Variants in DMRT1 observed in about 807,000 individuals in gnomAD.
The protein encoded by DMRT1 is doublesex- and mab-3-related transcription factor 1.
Under a neutral mutation model 32.3 loss-of-function variants are expected in DMRT1, and 7 were observed. That is an observed-to-expected ratio of 0.22 (90% confidence interval 0.12 to 0.41). The LOEUF (loss-of-function observed/expected upper bound fraction) is 0.41. DMRT1 is among the 10% of genes least tolerant of loss of function. The probability of loss-of-function intolerance (pLI) is 1.00; values close to 1 mark genes in which losing one functional copy is unlikely to be tolerated. For synonymous variants in DMRT1, 278 were observed against 206.1 expected (o/e 1.35, Z -2.99); for missense variants, 625 against 500.5 (o/e 1.25, Z -2.37).
chr9:853,324 G>C (rs1294932350), intron 2 of DMRT1, among the ~76,000 whole-genome samples: 2 of 152,062 alleles, frequency 1.3e-5, no homozygotes, highest in East Asian at 1.9e-4. Context: ...TTGGACAAAT[G>C]TGTAATAGCT....
chr9:959,652 C>T (rs1451117174), intron 4 of DMRT1, among the ~76,000 whole-genome samples: 1 of 152,108 alleles, frequency 6.6e-6, no homozygotes, highest in African/African-American at 2.4e-5. Context: ...CTCAGCCTCC[C>T]GAGTAGCTGG....
intron 4 of DMRT1, among the ~76,000 whole-genome samples, chr9:925,544 A>G (rs1017763612): frequency 4.6e-5 from 7 of 152,172 alleles, no homozygotes; most frequent in South Asian, 2.1e-4. Flanking sequence ...ACTTCCTCTA[A>G]GCCTTGTTGC....
intron 2 of DMRT1, among the ~76,000 whole-genome samples, chr9:868,542 A>G (rs778057846): frequency 1.6e-4 from 24 of 152,152 alleles, no homozygotes; most frequent in African/African-American, 5.3e-4. Context: ...AGTTCCAGCT[A>G]TGTTTCTTTG....
intron 2 of DMRT1, among the ~76,000 whole-genome samples, chr9:857,904 G>C (rs1815472315): frequency 6.6e-6 from 1 of 150,836 alleles, no homozygotes; most frequent in Non-Finnish European, 1.5e-5. Flanking sequence ...GCGATAGTTT[G>C]CTGAGAATGA....
intron 3 of DMRT1, chr9:894,431 G>A (rs1163645758): frequency 6.9e-6 from 4 of 580,042 alleles, no homozygotes; most frequent in South Asian, 6.1e-5. Flanking sequence ...AGCCTCAAAG[G>A]TTGGCTGCAA....
intron 4 of DMRT1, 68 bp from the exon 5 acceptor site, chr9:967,917 A>C (rs1233763788): frequency 6.8e-7 from 1 of 1,466,606 alleles, no homozygotes; most frequent in East Asian, 2.3e-5. Flanking sequence ...TGAATGTATA[A>C]AGACCAGCCA....
chr9:922,584 C>T (rs137890698), intron 4 of DMRT1, among the ~76,000 whole-genome samples: 43 of 152,130 alleles, frequency 2.8e-4, no homozygotes, highest in Non-Finnish European at 7.4e-5. Context: ...CGTGGTTGGT[C>T]GACACCTGCA....
Position 968,415 on chromosome 9 carries a change from A to G in DMRT1, c.*276A>G. On this transcript the variant is annotated 3_prime_UTR_variant, in exon 5 of 5. Transcript: ENST00000382276. ...TGGTTTCATGTAGTTTTCAAGAAAT[A>G]AAAGAATTCATTCAAGTGAAGCCAT... 1 of 387,616 alleles carries G rather than the reference A, an allele frequency of 2.6e-6. No individual in the cohort carries two copies. The highest frequency in any genetic ancestry group is 4.7e-6 in the Non-Finnish European group (1 of 211,016). The allele number at this position is 387,616 out of a possible 1,614,324, so 24.0% of individuals were successfully genotyped here.
chr9:930,121 C>G (rs557989879), intron 4 of DMRT1, among the ~76,000 whole-genome samples: 1 of 152,278 alleles, frequency 6.6e-6, no homozygotes, highest in South Asian at 2.1e-4. Context: ...CAGTCAAATT[C>G]TTGATAAATG....
chr9:941,816 T>G (rs1445538092), intron 4 of DMRT1, among the ~76,000 whole-genome samples: 3 of 152,262 alleles, frequency 2.0e-5, no homozygotes, highest in Non-Finnish European at 4.4e-5. Context: ...TCTCTTTATT[T>G]ATGTAGTAAG....
At chr9:899,713 G>A (rs1475467558) in intron 3 of DMRT1, among the ~76,000 whole-genome samples, 3 of 152,174 alleles carry the variant, frequency 2.0e-5, no homozygotes, top group Admixed American at 6.5e-5. Context: ...CTCCTCCACC[G>A]CAACATTATC....
At chr9:901,797 C>T (rs1817586911) in intron 3 of DMRT1, among the ~76,000 whole-genome samples, 1 of 151,906 alleles carries the variant, frequency 6.6e-6, no homozygotes, top group South Asian at 2.1e-4. Context: ...GCCCTGGGCC[C>T]TCTCACCCTT....
At chr9:897,683 T>A (rs964742819) in intron 3 of DMRT1, among the ~76,000 whole-genome samples, 1 of 152,194 alleles carries the variant, frequency 6.6e-6, no homozygotes, top group African/African-American at 2.4e-5. Context: ...AAGAATGTTT[T>A]AAAATCATGT....
chr9:883,057 C>T (rs764737977), intron 2 of DMRT1, among the ~76,000 whole-genome samples: 1 of 151,856 alleles, frequency 6.6e-6, no homozygotes, highest in Non-Finnish European at 1.5e-5. Flanking sequence ...CAGGCATGAG[C>T]CACCAAGCCT....
chr9:879,052 C>G (rs906548063), intron 2 of DMRT1, among the ~76,000 whole-genome samples: 1 of 152,142 alleles, frequency 6.6e-6, no homozygotes, highest in Non-Finnish European at 1.5e-5. Context: ...CCAGAGCTGC[C>G]TGGTTAGGAC....
intron 4 of DMRT1, among the ~76,000 whole-genome samples, chr9:954,806 T>A (rs1819544800): frequency 6.6e-6 from 1 of 151,916 alleles, no homozygotes; most frequent in East Asian, 1.9e-4. Context: ...CACGCCCAGA[T>A]AATTTTTGTA....
intron 2 of DMRT1, among the ~76,000 whole-genome samples, chr9:876,043 T>C (rs1816486699): frequency 6.6e-6 from 1 of 152,182 alleles, no homozygotes; most frequent in African/African-American, 2.4e-5. Context: ...TATGGCATGC[T>C]TTGCTGCACC....
intron 4 of DMRT1, among the ~76,000 whole-genome samples, chr9:952,699 C>T (rs1456366478): frequency 6.6e-6 from 1 of 152,160 alleles, no homozygotes; most frequent in Non-Finnish European, 1.5e-5. Context: ...CTCTTTTTTT[C>T]AAATTAAAGA....
At chr9:850,233 G>C (rs1839087054) in intron 2 of DMRT1, among the ~76,000 whole-genome samples, 1 of 152,202 alleles carries the variant, frequency 6.6e-6, no homozygotes, top group African/African-American at 2.4e-5. Context: ...CTTCTGGACT[G>C]AGTTAGGATG....
Sources: allele counts gnomAD v4.1 joint callset (sites outside exome capture counted in the v4.1 genomes callset), GRCh38; gene constraint gnomAD v4.1.1; transcripts MANE v1.5; gene names NCBI Gene and HGNC (gene_info 2026-07-23, HGNC 2026-07-21).